The following TXNDC12 variants were observed in gnomAD, a reference collection of about 807,000 sequenced individuals.
TXNDC12 encodes thioredoxin domain-containing protein 12.
TXNDC12 carries 22 observed loss-of-function variants against 24.2 expected under a neutral mutation model. The observed-to-expected ratio is 0.91, with a 90% CI of 0.65 to 1.30. TXNDC12 has a LOEUF of 1.30. Ranked by LOEUF, TXNDC12 falls within the 50% of genes most tolerant of loss-of-function variation. The pLI, the probability that TXNDC12 is intolerant of heterozygous loss-of-function variation, is 0.00. For synonymous variants in TXNDC12, 58 were observed against 73.4 expected (o/e 0.79, Z 1.07); for missense variants, 184 against 205.8 (o/e 0.89, Z 0.65).
chr1:52,027,062 T>C (rs547479902), intron 4 of TXNDC12, among the ~76,000 whole-genome samples: 2 of 152,142 alleles, frequency 1.3e-5, no homozygotes, highest in African/African-American at 4.8e-5. Flanking sequence ...AGTCATCTTA[T>C]TCAATCTCTC....
At chr1:52,046,867 ATAT>A (rs1192626323) in intron 1 of TXNDC12, among the ~76,000 whole-genome samples, 4,025 of 31,082 alleles carry the variant, frequency 0.13, 216 homozygotes, top group African/African-American at 0.24. Context: ...AAAAAAAAAA[ATAT>A]ATATATATAT....
In TXNDC12 at chr1:52,039,903, GTTTT is replaced by G. The variant is rs1685954457; in HGVS notation, c.158+1630_158+1633del. Among the ~76,000 whole-genome samples the G allele has an allele frequency of 3.3e-5, 5 of 152,126 alleles. No individual in the cohort carries two copies. The South Asian group carries it at 1.0e-3, about 32-fold the overall frequency. On this transcript the variant is annotated intron_variant, in intron 2 of 6. Coordinates refer to ENST00000371626, the MANE Select transcript of TXNDC12 (RefSeq NM_015913.4). ...GGTCTATAGGTGTTTGTGTGCAGAAGTTTTTTATTTTTTTATTTTTATTTTTATT... is the reference window on the plus strand; with the variant it reads ...GGTCTATAGGTGTTTGTGTGCAGAAGTTATTTTTTTATTTTTATTTTTATT...
intron 2 of TXNDC12, 145 bp from the exon 3 acceptor site, chr1:52,028,775 CTGT>C: frequency 1.4e-6 from 1 of 715,818 alleles, no homozygotes; most frequent in Non-Finnish European, 2.4e-6. Flanking sequence ...TAGATAATTG[CTGT>C]AACAAAATTA....
intron 1 of TXNDC12, among the ~76,000 whole-genome samples, chr1:52,045,978 C>T (rs1471715444): frequency 2.6e-5 from 4 of 151,934 alleles, no homozygotes; most frequent in Non-Finnish European, 4.4e-5. Flanking sequence ...TCTGGGAGGC[C>T]GAGGTGAGAG....
chr1:52,036,514 G>A (rs1685885645), intron 2 of TXNDC12, among the ~76,000 whole-genome samples: 1 of 152,110 alleles, frequency 6.6e-6, no homozygotes, highest in Non-Finnish European at 1.5e-5. Flanking sequence ...AGAAGAGGGT[G>A]GAAGGGGAGG....
intron 4 of TXNDC12, among the ~76,000 whole-genome samples, chr1:52,025,922 T>C (rs1324963375): frequency 6.6e-6 from 1 of 151,778 alleles, no homozygotes; most frequent in Non-Finnish European, 1.5e-5. Context: ...CTCTGCCTCC[T>C]GGGTCAAGCG....
intron 2 of TXNDC12, among the ~76,000 whole-genome samples, chr1:52,039,420 C>A (rs1685945935): frequency 6.6e-6 from 1 of 152,040 alleles, no homozygotes; most frequent in African/African-American, 2.4e-5. Context: ...CTCCGTCTCC[C>A]AGGTTCAAGC....
chr1:52,041,361 C>T (rs757610208), intron 2 of TXNDC12, among the ~76,000 whole-genome samples, 176 bp downstream of exon 2: 52 of 151,444 alleles, frequency 3.4e-4, no homozygotes, highest in African/African-American at 1.2e-3. Flanking sequence ...AGAAAAAAAA[C>T]CCATGTTGTT....
chr1:52,035,128 GA>G (rs1194118930), intron 2 of TXNDC12, among the ~76,000 whole-genome samples: 16 of 152,202 alleles, frequency 1.1e-4, no homozygotes, highest in Admixed American at 6.5e-4. Flanking sequence ...CCAGAGCCAT[GA>G]AACTGTTGGA....
chr1:52,025,483 G>C (rs565093209), intron 4 of TXNDC12, among the ~76,000 whole-genome samples: 7 of 152,314 alleles, frequency 4.6e-5, no homozygotes, highest in African/African-American at 1.7e-4. Flanking sequence ...CTCCCAAAGT[G>C]CTGGGATCAC....
intron 2 of TXNDC12, chr1:52,032,643 G>A (rs1030051724): frequency 2.2e-5 from 33 of 1,534,806 alleles, no homozygotes; most frequent in Non-Finnish European, 2.4e-5. Flanking sequence ...TTTTCCCAGA[G>A]AAATAAAGTG....
chr1:52,032,757 A>T (rs1179529575), intron 2 of TXNDC12: 3 of 1,613,906 alleles, frequency 1.9e-6, no homozygotes, highest in Non-Finnish European at 2.5e-6. Context: ...GCAAGTTCTC[A>T]TTGTTGGGAT....
chr1:52,021,209 T>C (rs1432217977), intron 6 of TXNDC12, among the ~76,000 whole-genome samples, 197 bp from the exon 7 acceptor site: 1 of 152,204 alleles, frequency 6.6e-6, no homozygotes, highest in Non-Finnish European at 1.5e-5. Context: ...AATGAAATAA[T>C]GTAACTCACT....
rs141411338 is a variant in TXNDC12 at position 52,040,024 on chromosome 1, C to T, written c.158+1513G>A. 4.1e-3 allele frequency among the ~76,000 whole-genome samples: 629 copies of T among 152,140 alleles called. 3 individuals carry two copies. The highest frequency in any genetic ancestry group is 0.014 in the African/African-American group (594 of 41,484). ...TCAGCGCACTGCAACCTCCACCTCC[C>T]GGGTTCAAGTGATTCTCTTGCTTCA... On this transcript the variant is annotated intron_variant, in intron 2 of 6. Coordinates refer to ENST00000371626, the MANE Select transcript of TXNDC12 (RefSeq NM_015913.4).
intron 1 of TXNDC12, among the ~76,000 whole-genome samples, chr1:52,050,482 A>C (rs955182744): frequency 6.6e-6 from 1 of 152,222 alleles, no homozygotes; most frequent in African/African-American, 2.4e-5. Context: ...ATTCAATCAG[A>C]ATTTTCAATC....
chr1:52,033,070 G>A (rs1193342863), intron 2 of TXNDC12: 1 of 1,601,930 alleles, frequency 6.2e-7, no homozygotes, highest in South Asian at 1.1e-5. Flanking sequence ...GCCCACCAAA[G>A]TGAATAAAGG....
intron 1 of TXNDC12, among the ~76,000 whole-genome samples, chr1:52,051,123 A>G (rs1686191924): frequency 6.6e-6 from 1 of 152,224 alleles, no homozygotes; most frequent in South Asian, 2.1e-4. Flanking sequence ...AATACATGAA[A>G]AATGCACACA....
chr1:52,021,394 C>G lies in TXNDC12; in HGVS notation c.440-382G>C, dbSNP rs74600529. Among the ~76,000 whole-genome samples the G allele has an allele frequency of 8.2e-3, 1,251 of 152,134 alleles. 22 individuals are homozygous for G. Among genetic ancestry groups the G allele is most frequent in the African/African-American group, 0.029 (1,195 of 41,504 alleles). ...CCCCCAGGGAAGAGGAAACACCTTC[C>G]TACCGTCCCCATTGTATCTTTTGGA... On this transcript the variant is annotated intron_variant, in intron 6 of 6. Transcript: ENST00000371626.
chr1:52,024,274 G>A lies in TXNDC12; in HGVS notation c.355+236C>T, dbSNP rs144561981. Among the ~76,000 whole-genome samples the A allele has an allele frequency of 9.1e-4, 138 of 152,308 alleles. 2 individuals are homozygous for A. In the East Asian group the frequency reaches 0.018, roughly 20 times the overall value. The stretch of plus-strand genomic sequence containing the variant: ...CCCAAAGTGCTGAGACTACAGGCAT[G>A]AGCCACTGTGCCCGGCCAAACTTTT... On this transcript the variant is annotated intron_variant, in intron 5 of 6. Transcript: ENST00000371626.
Sources: gnomAD v4.1 joint callset for allele counts (sites outside exome capture counted in the v4.1 genomes callset) on GRCh38, gnomAD v4.1.1 for gene constraint, MANE v1.5 for transcripts, NCBI Gene and HGNC (gene_info 2026-07-23, HGNC 2026-07-21) for gene names.